The following OR2L2 variants were observed in gnomAD, a reference collection of about 807,000 sequenced individuals.
OR2L2 encodes olfactory receptor family 2 subfamily L member 2.
For synonymous variants in OR2L2, 156 were observed against 135.4 expected (o/e 1.15, Z -1.06); for missense variants, 378 against 375.2 (o/e 1.01, Z -0.06).
chr1:248,040,799 G>A lies in OR2L2; in HGVS notation c.*1593G>A, dbSNP rs1041106675. 1.3e-5 allele frequency: 2 copies of A among 152,084 alleles called. No individual in the cohort carries two copies. Among genetic ancestry groups the A allele is most frequent in the African/African-American group, 4.8e-5 (2 of 41,392 alleles). The allele number at this position is 152,084 out of a possible 1,614,324, so 9.4% of individuals were successfully genotyped here. Reference sequence around the variant, plus strand: ...TTAAATGCATATTCTACTGCTTGGCGGTCAGTGACCCTAATTTCCGCGTTG... The same window carrying A: ...TTAAATGCATATTCTACTGCTTGGCAGTCAGTGACCCTAATTTCCGCGTTG... On this transcript the variant is annotated 3_prime_UTR_variant, in exon 3 of 3. Coordinates refer to ENST00000641771, the MANE Select transcript of OR2L2 (RefSeq NM_001385855.1).
In OR2L2 at chr1:248,041,757, A is replaced by C. The variant is rs1186571739; in HGVS notation, c.*2551A>C. 2 of 152,210 alleles carry C rather than the reference A, an allele frequency of 1.3e-5. No homozygotes were observed. Among genetic ancestry groups the C allele is most frequent in the African/African-American group, 4.8e-5 (2 of 41,452 alleles). 9.4% of individuals were successfully genotyped at this position (152,210 alleles called of 1,614,324 possible). ...TTATGCAGCCAAAAAACACATGAAA[A>C]AATGCTCACCGTTACTGGCCGTCAG... On this transcript the variant is annotated 3_prime_UTR_variant, in exon 3 of 3. Transcript: ENST00000641771.
In OR2L2 at chr1:248,038,950, A is replaced by G. The variant is rs1418383464; in HGVS notation, c.683A>G (p.His228Arg). 6.2e-7 allele frequency: 1 copy of G among 1,613,930 alleles called. No individual in the cohort carries two copies. The highest frequency in any genetic ancestry group is 8.5e-7 in the Non-Finnish European group (1 of 1,179,972). ...GTTCTCCTTGCTGTCTACCGCATGC[A>G]CTCTGCAGAAGGGAGGAAGAAGGCC... ...GRVLLAVYRM[H>R]SAEGRKKAYS... Residue 228 changes from histidine (H) to arginine (R), a missense_variant, in exon 3 of 3, where the codon CAC becomes CGC. Coordinates refer to ENST00000641771, the MANE Select transcript of OR2L2 (RefSeq NM_001385855.1).
rs922251388 is a variant in OR2L2 at position 248,041,140 on chromosome 1, G to A, written c.*1934G>A. 2 of 152,118 alleles carry A rather than the reference G, an allele frequency of 1.3e-5. No homozygotes were observed. The highest frequency in any genetic ancestry group is 4.8e-5 in the African/African-American group (2 of 41,412). The allele number at this position is 152,118 out of a possible 1,614,324, so 9.4% of individuals were successfully genotyped here. A position where few individuals can be genotyped will look rare whatever the true frequency, so the allele number is the denominator to read the frequency against. On this transcript the variant is annotated 3_prime_UTR_variant, in exon 3 of 3. Transcript: ENST00000641771. ...CTCACATAAATAACCAAAACAGCAT[G>A]GTACTGGTACCAAAACAGAAATATA...
rs1376326065 is a variant in OR2L2, at chr1:248,041,647, TCAAA to T, written c.*2447_*2450del. The T allele has an allele frequency of 3.9e-5, 6 of 152,016 alleles. No homozygotes were observed. In the East Asian group the frequency reaches 1.2e-3, roughly 29 times the overall value. The allele number at this position is 152,016 out of a possible 1,614,324, so 9.4% of individuals were successfully genotyped here. A position where few individuals can be genotyped will look rare whatever the true frequency, so the allele number is the denominator to read the frequency against. ...CTAATATCCAGAATCTACAATGAACTCAAACAAACTTACAAGAAAAAAACAAACA... is the reference window on the plus strand; with the variant it reads ...CTAATATCCAGAATCTACAATGAACTCAAACTTACAAGAAAAAAACAAACA... On this transcript the variant is annotated 3_prime_UTR_variant, in exon 3 of 3. Coordinates refer to ENST00000641771, the MANE Select transcript of OR2L2 (RefSeq NM_001385855.1).
At chr1:248,036,479 G>GT (rs1280902681) in intron 2 of OR2L2, among the ~76,000 whole-genome samples, 1 of 152,148 alleles carries the variant, frequency 6.6e-6, no homozygotes, top group African/African-American at 2.4e-5. Flanking sequence ...GTTTGTGATA[G>GT]TTTTAACTCA....
intron 2 of OR2L2, among the ~76,000 whole-genome samples, chr1:248,036,219 T>C (rs1366001521): frequency 4.6e-5 from 7 of 152,158 alleles, no homozygotes; most frequent in Admixed American, 2.6e-4. Context: ...AATTTTCTAA[T>C]ATTTTTGTCT....
chr1:248,035,187 ATGCCTGTAATCCCAG>A (rs1325684862), intron 1 of OR2L2, among the ~76,000 whole-genome samples: 2 of 152,102 alleles, frequency 1.3e-5, no homozygotes, highest in Middle Eastern at 3.4e-3. Flanking sequence ...ACGGTGGCTC[ATGCCTGTAATCCCAG>A]TACTTTGGGA....
chr1:248,036,532 TTG>T (rs757295126), intron 2 of OR2L2, among the ~76,000 whole-genome samples: 1 of 151,898 alleles, frequency 6.6e-6, no homozygotes, highest in African/African-American at 2.4e-5. Flanking sequence ...GTGTTCATCT[TTG>T]TGTGTGTGTG....
intron 1 of OR2L2, among the ~76,000 whole-genome samples, chr1:248,030,712 C>T (rs1387539776): frequency 6.6e-6 from 1 of 152,022 alleles, no homozygotes; most frequent in East Asian, 1.9e-4. Context: ...CGCTTACAAA[C>T]TCTGAATCTC....
rs146509597 is a variant in OR2L2 at position 248,038,745 on chromosome 1, G to T, written c.478G>T (p.Val160Leu). 1 of 1,614,184 alleles carries T rather than the reference G, an allele frequency of 6.2e-7. No homozygotes were observed. The highest frequency in any genetic ancestry group is 1.7e-5 in the Admixed American group (1 of 60,018). ...ISSINSCAHT[V>L]YALCIPYCKS... ...CTCTATCAACTCTTGTGCTCACACAGTATATGCACTCTGTATCCCATATTG... is the reference window on the plus strand; with the variant it reads ...CTCTATCAACTCTTGTGCTCACACATTATATGCACTCTGTATCCCATATTG... Residue 160 changes from valine to leucine, a missense_variant, in exon 3 of 3, where the codon GTA becomes TTA. By Grantham distance (32) the Val-to-Leu change is conservative. Coordinates refer to ENST00000641771, the MANE Select transcript of OR2L2 (RefSeq NM_001385855.1).
chr1:248,038,147 A>G, intron 2 of OR2L2, 100 bp from the exon 3 acceptor site: 1 of 694,722 alleles, frequency 1.4e-6, no homozygotes, highest in East Asian at 2.6e-5. Flanking sequence ...AGGGTTCAGT[A>G]TCAACCCCAG....
chr1:248,032,798 T>G (rs1662653852), intron 1 of OR2L2, among the ~76,000 whole-genome samples: 1 of 152,226 alleles, frequency 6.6e-6, no homozygotes, highest in African/African-American at 2.4e-5. Flanking sequence ...TTGTGAATAC[T>G]GCTGCTGTGA....
Position 248,038,725 on chromosome 1 carries a change from T to A in OR2L2, c.458T>A (p.Ile153Asn). 10 of 1,614,120 alleles carry A rather than the reference T, an allele frequency of 6.2e-6. No homozygotes were observed. Among genetic ancestry groups the A allele is most frequent in the Non-Finnish European group, 8.5e-6 (10 of 1,180,010 alleles). The change falls in exon 3 of 3, where the codon ATC (isoleucine) becomes AAC (asparagine). Residue 153 changes from isoleucine to asparagine, a missense_variant. Coordinates refer to ENST00000641771, the MANE Select transcript of OR2L2 (RefSeq NM_001385855.1). ...ACAGGATCTTGGATGATAAGCTCTA[T>A]CAACTCTTGTGCTCACACAGTATAT... ...MITGSWMISS[I>N]NSCAHTVYAL...
rs781437555 is a variant in OR2L2 at position 248,038,436 on chromosome 1, C to T, written c.169C>T (p.Pro57Ser). The change falls in exon 3 of 3, where the codon CCT (proline) becomes TCT (serine). Residue 57 changes from proline to serine, a missense_variant. By Grantham distance (74) the Pro-to-Ser change is moderately conservative (BLOSUM62 -1). Coordinates refer to ENST00000641771, the MANE Select transcript of OR2L2 (RefSeq NM_001385855.1). ...CTTTTTGGACATCCATCTCCACACA[C>T]CTATGTATTTCCTACTTAGTCAGCT... Reference protein sequence around the residue: ...LIFLDIHLHTPMYFLLSQLSL... With the variant: ...LIFLDIHLHTSMYFLLSQLSL... 7.9e-5 allele frequency: 127 copies of T among 1,613,658 alleles called. No individual in the cohort carries two copies. The highest frequency in any genetic ancestry group is 1.0e-4 in the Non-Finnish European group (118 of 1,179,730).
At position 248,039,061 on chromosome 1, in the gene OR2L2, G is replaced by A. The variant is rs771730304; in HGVS notation, c.794G>A (p.Arg265Gln). The A allele has an allele frequency of 2.0e-5, 33 of 1,613,894 alleles. No individual in the cohort carries two copies. The highest frequency in any genetic ancestry group is 4.0e-5 in the African/African-American group (3 of 74,844). ...ACCTATGTACGTCCAAGATCCCTGC[G>A]ATCTCCAACAGAGGACAAGATTCTG... ...AYTYVRPRSL[R>Q]SPTEDKILAV... Residue 265 changes from arginine (R) to glutamine (Q), a missense_variant, in exon 3 of 3, where the codon CGA becomes CAA. Arg to Gln is a conservative substitution (Grantham distance 43). Coordinates refer to ENST00000641771, the MANE Select transcript of OR2L2 (RefSeq NM_001385855.1).
chr1:248,038,041 TA>T, intron 2 of OR2L2: 1 of 414,872 alleles, frequency 2.4e-6, no homozygotes, highest in Non-Finnish European at 4.3e-6. Flanking sequence ...GTAATTGTTC[TA>T]TTTTATTTGT....
Position 248,041,656 on chromosome 1 carries a change from C to T in OR2L2, c.*2450C>T, listed in dbSNP as rs953765796. Reference sequence around the variant, plus strand: ...AGAATCTACAATGAACTCAAACAAACTTACAAGAAAAAAACAAACAACCCC... The same window carrying T: ...AGAATCTACAATGAACTCAAACAAATTTACAAGAAAAAAACAAACAACCCC... On this transcript the variant is annotated 3_prime_UTR_variant, in exon 3 of 3. Coordinates refer to ENST00000641771, the MANE Select transcript of OR2L2 (RefSeq NM_001385855.1). 2 of 151,874 alleles carry T rather than the reference C, an allele frequency of 1.3e-5. No homozygotes were observed. Among genetic ancestry groups the T allele is most frequent in the Non-Finnish European group, 2.9e-5 (2 of 67,956 alleles). 9.4% of individuals were successfully genotyped at this position (151,874 alleles called of 1,614,324 possible).
chr1:248,038,022 T>C (rs1662813510), intron 2 of OR2L2: 1 of 349,814 alleles, frequency 2.9e-6, no homozygotes, highest in South Asian at 5.5e-5. Context: ...TTTATTACAG[T>C]ATATAGTTGT....
rs752820461 is a variant in OR2L2, at chr1:248,038,379, C to G, written c.112C>G (p.Leu38Val). The G allele has an allele frequency of 3.3e-5, 53 of 1,613,334 alleles. No individual in the cohort carries two copies. The highest frequency in any genetic ancestry group is 1.6e-4 in the Middle Eastern group (1 of 6,078). Residue 38 changes from leucine (L) to valine (V), a missense_variant, in exon 3 of 3, where the codon CTA (leucine) becomes GTA (valine). Coordinates refer to ENST00000641771, the MANE Select transcript of OR2L2 (RefSeq NM_001385855.1). ...TLIFLIFLMA[L>V]IGNLSMILLI... Reference sequence around the variant, plus strand: ...CATTTTTCTCATTTTCCTAATGGCTCTAATTGGAAATCTATCCATGATTCT... The same window carrying G: ...CATTTTTCTCATTTTCCTAATGGCTGTAATTGGAAATCTATCCATGATTCT...
Sources: allele counts gnomAD v4.1 joint callset (sites outside exome capture counted in the v4.1 genomes callset), GRCh38; gene constraint gnomAD v4.1.1; transcripts MANE v1.5; gene names NCBI Gene and HGNC (gene_info 2026-07-23, HGNC 2026-07-21).